Variants in HERC2 observed in about 807,000 individuals in gnomAD.
HERC2 encodes HECT and RLD domain containing E3 ubiquitin protein ligase 2.
In HERC2, 102 loss-of-function variants were observed where a neutral mutation model predicts 537.7. The ratio of observed to expected loss-of-function variants is 0.19; its 90% confidence interval spans 0.16 to 0.22. HERC2 has a LOEUF of 0.22. HERC2 is among the 10% of genes least tolerant of loss of function. The probability of loss-of-function intolerance (pLI) is 1.00; values close to 1 mark genes in which losing one functional copy is unlikely to be tolerated. For synonymous variants in HERC2, 2,224 were observed against 2,466.2 expected, an observed-to-expected ratio of 0.90 and a Z score of 2.91; for missense variants, 4,236 against 6,198.2, an observed-to-expected ratio of 0.68 and a Z score of 10.63.
At chr15:28,139,445 C>T (rs888927075) in intron 78 of HERC2, among the ~76,000 whole-genome samples, 2 of 152,240 alleles carry the variant, frequency 1.3e-5, no homozygotes, top group African/African-American at 4.8e-5. Flanking sequence ...GGACTGAGGC[C>T]TCAGCCCAAA....
chr15:28,123,435 G>T lies in HERC2; in HGVS notation c.13188+602C>A, dbSNP rs149432276. 1.6e-4 allele frequency among the ~76,000 whole-genome samples: 24 copies of T among 152,282 alleles called. No homozygotes were observed. The East Asian group carries it at 4.6e-3, about 29-fold the overall frequency. ...TCAAGATCATCTTGTCAAGCTGCTT[G>T]CCAGAAACTAACCCAACTTCTAGAA... On this transcript the variant is annotated intron_variant, in intron 85 of 92. Coordinates refer to ENST00000261609, the MANE Select transcript of HERC2 (RefSeq NM_004667.6).
intron 15 of HERC2, among the ~76,000 whole-genome samples, chr15:28,262,590 ACAGGTGAC>A (rs1425682678): frequency 3.3e-5 from 5 of 152,198 alleles, no homozygotes; most frequent in Admixed American, 6.5e-5. Context: ...CAGTACAAGT[ACAGGTGAC>A]CTCACCACAC....
intron 2 of HERC2, chr15:28,320,163 G>A (rs1302397560): frequency 1.3e-5 from 2 of 151,790 alleles, no homozygotes; most frequent in African/African-American, 4.8e-5. Context: ...TGTCCAGGCT[G>A]GAGTGCAATG....
Position 28,237,018 on chromosome 15 carries a change from G to A in HERC2, c.3948C>T (p.His1316=), listed in dbSNP as rs140087429. 5.6e-4 allele frequency: 905 copies of A among 1,611,894 alleles called. No homozygotes were observed. The highest frequency in any genetic ancestry group is 1.1e-3 in the Middle Eastern group (5 of 4,430). ...ERNLGLLLGL[H]ASYLAMSTPL... ...GTGTGCTCATTGCCAAATACGAAGC[G>A]TGTAATCCGAGAAGCAGGCCCAGAT... Residue 1316 remains histidine (H), a synonymous_variant, in exon 26 of 93, where the codon CAC becomes CAT. Coordinates refer to ENST00000261609, the MANE Select transcript of HERC2 (RefSeq NM_004667.6).
rs1009967374 is a variant in HERC2, at chr15:28,191,016, G to C, written c.8598C>G (p.Ile2866Met). 12 of 1,612,974 alleles carry C rather than the reference G, an allele frequency of 7.4e-6. No homozygotes were observed. Among genetic ancestry groups the C allele is most frequent in the South Asian group, 1.1e-5 (1 of 91,054 alleles). ...SLNNLIELKT[I>M]NINPSDTTVP... ...CTGTGGTGTCAGAAGGGTTAATATT[G>C]ATTGTCTTTAGTTCAATAAGGTTAT... The change falls in exon 55 of 93, where the codon ATC becomes ATG. Residue 2866 changes from isoleucine (I) to methionine (M), a missense_variant. Physicochemically the swap from Ile to Met is conservative, Grantham distance 10. This residue lies in a region of HERC2 where 606 missense variants were observed against 884.5 expected (regional missense o/e 0.69). Coordinates refer to ENST00000261609, the MANE Select transcript of HERC2 (RefSeq NM_004667.6).
At position 28,256,090 on chromosome 15, in the gene HERC2, T is replaced by G; in HGVS notation, c.2745A>C (p.Ala915=). 6.2e-7 allele frequency: 1 copy of G among 1,603,358 alleles called. No homozygotes were observed. Among genetic ancestry groups the G allele is most frequent in the African/African-American group, 1.3e-5 (1 of 75,032 alleles). Residue 915 remains alanine, a splice_region_variant and synonymous_variant, in exon 18 of 93, where the codon GCA becomes GCC. Coordinates refer to ENST00000261609, the MANE Select transcript of HERC2 (RefSeq NM_004667.6). ...ARALSALLPC[A]VSGNEVNISP... ...CTCCTGTTCCTTCCCCAGGCCCACCTGCGCAGGGCAGGAGAGCAGAGAGTG... is the reference window on the plus strand; with the variant it reads ...CTCCTGTTCCTTCCCCAGGCCCACCGGCGCAGGGCAGGAGAGCAGAGAGTG...
chr15:28,220,767 GC>G (rs1900443923), intron 36 of HERC2, 123 bp from the exon 37 acceptor site: 1 of 679,244 alleles, frequency 1.5e-6, no homozygotes, highest in Admixed American at 2.4e-5. Flanking sequence ...ATGGCTCCCA[GC>G]AGACCTCAGT....
rs1302863420 is a variant in HERC2 at position 28,122,649 on chromosome 15, T to G, written c.13189-1220A>C. Among the ~76,000 whole-genome samples, 1 of 152,098 alleles carries G rather than the reference T, an allele frequency of 6.6e-6. No individual in the cohort carries two copies. The highest frequency in any genetic ancestry group is 1.5e-5 in the Non-Finnish European group (1 of 68,002). On this transcript the variant is annotated intron_variant, in intron 85 of 92. Coordinates refer to ENST00000261609, the MANE Select transcript of HERC2 (RefSeq NM_004667.6). This position sits in a 1 kb window ranked among gnomAD's most constrained non-coding sequence, Gnocchi z 4.1. ...CCCGCCCACCTTCCTGGAGAGTCCA[T>G]TTTGGTGCTCTGGACCGGGAGTAGT...
chr15:28,149,908 A>G (rs989682553), intron 70 of HERC2, among the ~76,000 whole-genome samples: 1 of 150,932 alleles, frequency 6.6e-6, no homozygotes, highest in African/African-American at 2.4e-5. Flanking sequence ...CAAGAGCATC[A>G]CCAAGAACAG....
At position 28,222,188 on chromosome 15, in the gene HERC2, T is replaced by A; in HGVS notation, c.5492A>T (p.Asp1831Val). The A allele has an allele frequency of 6.3e-7, 1 of 1,593,694 alleles. No individual in the cohort carries two copies. ...AGCACCTTGAGCAGAAGCATTCATA[T>A]CTTCCTCAACGTTGTCACAACTGGG... ...IGPSCDNVEE[D>V]MNASAQGASA... Residue 1831 changes from aspartate (D) to valine (V), a missense_variant, in exon 36 of 93, where the codon GAT becomes GTT. By Grantham distance (152) the Asp-to-Val change is radical (BLOSUM62 -3). This residue lies in a region of HERC2 where 343 missense variants were observed against 417.2 expected (regional missense o/e 0.82). Transcript: ENST00000261609.
At chr15:28,231,571 G>A (rs889367273) in intron 30 of HERC2, among the ~76,000 whole-genome samples, 1 of 152,160 alleles carries the variant, frequency 6.6e-6, no homozygotes, top group Non-Finnish European at 1.5e-5. Context: ...ATATGACACT[G>A]TTGCTGGGAG....
At chr15:28,297,954 C>T (rs868042244) in intron 3 of HERC2, among the ~76,000 whole-genome samples, 2 of 147,750 alleles carry the variant, frequency 1.4e-5, no homozygotes, top group African/African-American at 5.1e-5. Flanking sequence ...AATACGGTGG[C>T]AGAACATGGA....
At chr15:28,256,036 T>C in intron 18 of HERC2, 40 bp from the exon 19 acceptor site, 1 of 1,604,968 alleles carries the variant, frequency 6.2e-7, no homozygotes, top group Non-Finnish European at 8.5e-7. Context: ...TGAAACGCCA[T>C]TCCCTCCCAA....
At chr15:28,188,739 C>G (rs1896555914) in intron 55 of HERC2, among the ~76,000 whole-genome samples, 1 of 152,016 alleles carries the variant, frequency 6.6e-6, no homozygotes, top group African/African-American at 2.4e-5. Flanking sequence ...AATGTTGAAG[C>G]TGGGTGACAG....
In HERC2 at chr15:28,292,914, T is replaced by C; in HGVS notation, c.296A>G (p.Asp99Gly). Reference sequence around the variant, plus strand: ...TGGTTGCTTGCCCCATACCCAGCTGTCCAGAATTGACTTGGCCCTATATAT... The same window carrying C: ...TGGTTGCTTGCCCCATACCCAGCTGCCCAGAATTGACTTGGCCCTATATAT... ...APIYRAKSIL[D>G]SWVWGKQPDV... Residue 99 changes from aspartate (D) to glycine (G), a missense_variant, in exon 4 of 93, where the codon GAC becomes GGC. By Grantham distance (94) the Asp-to-Gly change is moderately conservative. Around this residue, in one of 27 missense-constraint regions of HERC2, gnomAD observed 491 missense variants for 559.3 expected, o/e 0.88. Coordinates refer to ENST00000261609, the MANE Select transcript of HERC2 (RefSeq NM_004667.6). 1 of 1,611,072 alleles carries C rather than the reference T, an allele frequency of 6.2e-7. No individual in the cohort carries two copies. The highest frequency in any genetic ancestry group is 1.7e-5 in the Admixed American group (1 of 59,818).
intron 2 of HERC2, among the ~76,000 whole-genome samples, chr15:28,313,341 CTAAT>C (rs1459388045): frequency 1.3e-5 from 2 of 152,236 alleles, no homozygotes; most frequent in African/African-American, 4.8e-5. Context: ...CCACGCCCGG[CTAAT>C]TTTTTGTGTA....
At chr15:28,155,106 T>C (rs1404847814) in intron 69 of HERC2, among the ~76,000 whole-genome samples, 1 of 152,102 alleles carries the variant, frequency 6.6e-6, no homozygotes, top group Non-Finnish European at 1.5e-5. Flanking sequence ...CATCCTTTTT[T>C]ATGGCTGCAT....
intron 37 of HERC2, 136 bp from the exon 38 acceptor site, chr15:28,218,807 G>A (rs144539287): frequency 2.3e-5 from 18 of 779,502 alleles, no homozygotes; most frequent in African/African-American, 6.9e-5. Flanking sequence ...TTAGGTTCAC[G>A]CAAAATTGAA....
intron 2 of HERC2, among the ~76,000 whole-genome samples, chr15:28,314,614 T>C (rs537382662): frequency 1.1e-3 from 169 of 152,178 alleles, no homozygotes; most frequent in African/African-American, 4.0e-3. Flanking sequence ...TCTCAGACTT[T>C]GGGAGGCCAA....
Sources: allele counts gnomAD v4.1 joint callset (sites outside exome capture counted in the v4.1 genomes callset), GRCh38; gene constraint gnomAD v4.1.1; regional missense constraint gnomAD v4.1.1; non-coding constraint Gnocchi (gnomAD v3.1); transcripts MANE v1.5; gene names NCBI Gene and HGNC (gene_info 2026-07-23, HGNC 2026-07-21).